Variants in KCNH1 observed in about 807,000 individuals in gnomAD.
KCNH1 encodes voltage-gated delayed rectifier potassium channel KCNH1.
Under a neutral mutation model 69.2 loss-of-function variants are expected in KCNH1, and 27 were observed. That is an observed-to-expected ratio of 0.39 (90% confidence interval 0.29 to 0.54). KCNH1 has a LOEUF of 0.54. Among genes scored for constraint, KCNH1 ranks in the 20% least tolerant of loss-of-function variants. The pLI, the probability that KCNH1 is intolerant of heterozygous loss-of-function variation, is 0.68. For synonymous variants in KCNH1, 456 were observed against 487.7 expected (o/e 0.93, Z 0.86); for missense variants, 798 against 1,261.6 (o/e 0.63, Z 5.57).
chr1:211,131,829 A>AT (rs34150086), intron 1 of KCNH1, among the ~76,000 whole-genome samples: 14,622 of 152,016 alleles, frequency 0.096, 960 homozygotes, highest in South Asian at 0.21. Context: ...AAGATGCTTC[A>AT]TTTTTTTTGA....
In KCNH1 at chr1:211,039,780, T is replaced by A. The variant is rs190144639; in HGVS notation, c.559-20524A>T. On this transcript the variant is annotated intron_variant, in intron 5 of 10. Coordinates refer to ENST00000271751, the MANE Select transcript of KCNH1 (RefSeq NM_172362.3). Reference sequence around the variant, plus strand: ...ATTTACCCAGTACCTGTACCCCCACTGTGTCTAGGAAGTAACTAGCTTGCT... The same window carrying A: ...ATTTACCCAGTACCTGTACCCCCACAGTGTCTAGGAAGTAACTAGCTTGCT... 1.3e-3 allele frequency among the ~76,000 whole-genome samples: 200 copies of A among 152,312 alleles called. 1 individual carries two copies. The highest frequency in any genetic ancestry group is 3.4e-3 in the Middle Eastern group (1 of 292).
At chr1:211,126,520 A>C (rs1163832965) in intron 1 of KCNH1, among the ~76,000 whole-genome samples, 1 of 151,364 alleles carries the variant, frequency 6.6e-6, no homozygotes, top group Non-Finnish European at 1.5e-5. Flanking sequence ...CAAAAAAAAA[A>C]AAAAATTAGC....
chr1:211,110,274 G>A (rs749324535), intron 1 of KCNH1, among the ~76,000 whole-genome samples: 5 of 152,006 alleles, frequency 3.3e-5, no homozygotes, highest in African/African-American at 4.8e-5. Flanking sequence ...GCAAAAAGGA[G>A]GACAACATGG....
chr1:211,062,801 C>A (rs1314956007), intron 5 of KCNH1, among the ~76,000 whole-genome samples: 3 of 152,088 alleles, frequency 2.0e-5, no homozygotes, highest in Non-Finnish European at 2.9e-5. Flanking sequence ...AAAGGACAAG[C>A]AATAACAAAT....
At chr1:211,130,725 A>T (rs1445098437) in intron 1 of KCNH1, among the ~76,000 whole-genome samples, 2 of 152,030 alleles carry the variant, frequency 1.3e-5, no homozygotes, top group Non-Finnish European at 2.9e-5. Flanking sequence ...GAGAGACTGC[A>T]CCTCCTCTAC....
chr1:211,081,798 T>A (rs1023686809), intron 5 of KCNH1, among the ~76,000 whole-genome samples: 2 of 151,932 alleles, frequency 1.3e-5, no homozygotes, highest in Non-Finnish European at 2.9e-5. Context: ...GCAGGTAACA[T>A]CACACCCCGG....
chr1:210,734,265 C>G (rs1269222213), intron 10 of KCNH1, among the ~76,000 whole-genome samples: 1 of 152,180 alleles, frequency 6.6e-6, no homozygotes, highest in Non-Finnish European at 1.5e-5. Flanking sequence ...GAACAGGACT[C>G]CCCATTTCCC....
At chr1:211,005,968 C>G (rs1689274699) in intron 6 of KCNH1, among the ~76,000 whole-genome samples, 1 of 152,092 alleles carries the variant, frequency 6.6e-6, no homozygotes, top group Non-Finnish European at 1.5e-5. Context: ...CAAAGATGCT[C>G]ACTCCCAGCA....
At chr1:210,718,651 TACACACACACACACACACAC>T (rs57407331) in intron 10 of KCNH1, among the ~76,000 whole-genome samples, 10 of 75,556 alleles carry the variant, frequency 1.3e-4, no homozygotes, top group East Asian at 8.6e-4. Flanking sequence ...CATATATATA[TACACACACACACACACACAC>T]ACACACACAC....
At chr1:211,021,415 C>T (rs931300415) in intron 5 of KCNH1, among the ~76,000 whole-genome samples, 6 of 152,038 alleles carry the variant, frequency 3.9e-5, no homozygotes, top group Admixed American at 1.3e-4. Flanking sequence ...TGGAACTAGA[C>T]AAGAATGCCC....
intron 3 of KCNH1, among the ~76,000 whole-genome samples, chr1:211,095,238 T>C (rs1242174487): frequency 6.6e-6 from 1 of 152,234 alleles, no homozygotes; most frequent in African/African-American, 2.4e-5. Flanking sequence ...CTGAGAAAAG[T>C]AAGCATTTGA....
At chr1:210,961,665 A>T (rs1357910671) in intron 6 of KCNH1, among the ~76,000 whole-genome samples, 1 of 151,906 alleles carries the variant, frequency 6.6e-6, no homozygotes, top group East Asian at 1.9e-4. Flanking sequence ...ACATGGAGAA[A>T]CCCCTTCTCT....
Position 210,927,728 on chromosome 1 carries a change from T to C in KCNH1, c.1033-7659A>G, listed in dbSNP as rs201845788. On this transcript the variant is annotated intron_variant, in intron 6 of 10. Transcript: ENST00000271751. ...CAAATATCAATACTAACATTGAATGTAAATGGCCTAAAGGCTCCACTTAAA... is the reference window on the plus strand; with the variant it reads ...CAAATATCAATACTAACATTGAATGCAAATGGCCTAAAGGCTCCACTTAAA... 5.3e-5 allele frequency among the ~76,000 whole-genome samples: 8 copies of C among 152,330 alleles called. No homozygotes were observed. The East Asian group carries it at 1.5e-3, about 29-fold the overall frequency.
intron 7 of KCNH1, among the ~76,000 whole-genome samples, chr1:210,912,028 A>G (rs1687243226): frequency 6.6e-6 from 1 of 152,206 alleles, no homozygotes; most frequent in African/African-American, 2.4e-5. Flanking sequence ...ACTTTGTCAG[A>G]TGAAACTGAA....
At chr1:210,918,922 T>C (rs1284345911) in intron 7 of KCNH1, 4 of 152,226 alleles carry the variant, frequency 2.6e-5, no homozygotes, top group Non-Finnish European at 4.4e-5. Flanking sequence ...ATATAATCAA[T>C]ATAAAATACA....
chr1:210,972,675 A>G (rs1359657811), intron 6 of KCNH1, among the ~76,000 whole-genome samples: 1 of 152,142 alleles, frequency 6.6e-6, no homozygotes, highest in African/African-American at 2.4e-5. Context: ...GTGATAGAAC[A>G]CAATGAAATC....
chr1:211,113,949 C>CTG (rs200040809), intron 1 of KCNH1, among the ~76,000 whole-genome samples: 6,307 of 145,460 alleles, frequency 0.043, 208 homozygotes, highest in Admixed American at 0.082. Context: ...CTCTCTCTCT[C>CTG]TCTGTCTCTC....
intron 7 of KCNH1, among the ~76,000 whole-genome samples, chr1:210,810,633 T>G (rs776792673): frequency 1.3e-5 from 2 of 152,222 alleles, no homozygotes; most frequent in Non-Finnish European, 2.9e-5. Context: ...TTTGATATTA[T>G]ACTTTAATTT....
chr1:210,709,270 A>G (rs1226950745), intron 10 of KCNH1, among the ~76,000 whole-genome samples: 3 of 152,186 alleles, frequency 2.0e-5, no homozygotes, highest in Admixed American at 2.0e-4. Flanking sequence ...AGATTTTGAC[A>G]TGGAGACACA....
Sources: allele counts gnomAD v4.1 joint callset (sites outside exome capture counted in the v4.1 genomes callset), GRCh38; gene constraint gnomAD v4.1.1; transcripts MANE v1.5; gene names NCBI Gene and HGNC (gene_info 2026-07-23, HGNC 2026-07-21).